TRAF7: variants seen among roughly 807,000 people sequenced by gnomAD.
TRAF7 encodes TNF receptor associated factor 7.
In TRAF7, 45 loss-of-function variants were observed where a neutral mutation model predicts 89.3. The observed-to-expected ratio is 0.50, with a 90% CI of 0.40 to 0.65. The LOEUF (loss-of-function observed/expected upper bound fraction) is 0.65, where lower values mean the gene tolerates loss of function less well. TRAF7 is among the 30% of genes least tolerant of loss of function. The probability of loss-of-function intolerance (pLI) is 0.00; values close to 1 mark genes in which losing one functional copy is unlikely to be tolerated. For synonymous variants in TRAF7, 406 were observed against 369.2 expected (o/e 1.10, Z -1.14); for missense variants, 677 against 918.1 (o/e 0.74, Z 3.39).
chr16:2,160,852 G>C (rs1397175970), intron 1 of TRAF7, among the ~76,000 whole-genome samples: 1 of 151,746 alleles, frequency 6.6e-6, no homozygotes, highest in East Asian at 1.9e-4. Context: ...TCTCCCTCTG[G>C]GGGGCCAGGG....
In TRAF7 at chr16:2,163,960, G is replaced by C; in HGVS notation, c.40G>C (p.Gly14Arg). 2 of 1,612,572 alleles carry C rather than the reference G, an allele frequency of 1.2e-6. No homozygotes were observed. Among genetic ancestry groups the C allele is most frequent in the Non-Finnish European group, 1.7e-6 (2 of 1,179,606 alleles). Reference sequence around the variant, plus strand: ...GAGTGCCCGCTACAACCGCTTCTCCGGGGGGCCCAGCAATCTTCCCACCCC... The same window carrying C: ...GAGTGCCCGCTACAACCGCTTCTCCCGGGGGCCCAGCAATCTTCCCACCCC... ...GKSARYNRFS[G>R]GPSNLPTPDV... Residue 14 changes from glycine (G) to arginine (R), a missense_variant, in exon 2 of 21, where the codon GGG becomes CGG. Physicochemically the swap from Gly to Arg is moderately radical, Grantham distance 125. Transcript: ENST00000326181. This position sits in a 1 kb window ranked among gnomAD's most constrained non-coding sequence, Gnocchi z 4.3.
chr16:2,167,568 C>T (rs531449168), intron 3 of TRAF7, among the ~76,000 whole-genome samples: 11 of 152,294 alleles, frequency 7.2e-5, no homozygotes, highest in East Asian at 3.9e-4. Context: ...CACCAGGATG[C>T]GGTCCTGGCC....
rs1407885911 is a variant in TRAF7 at position 2,165,926 on chromosome 16, C to T, written c.129C>T (p.Thr43=). The stretch of plus-strand genomic sequence containing the variant: ...GACCCGCCTTTTCAGCCGTCACCAC[C>T]ATCACAAAAGGTGAGCCCTTAAGCC... ...TFGPAFSAVT[T]ITKADGTSTY... The change falls in exon 3 of 21, where the codon ACC becomes ACT. Residue 43 remains threonine, a synonymous_variant. Transcript: ENST00000326181. 2.5e-6 allele frequency: 4 copies of T among 1,614,028 alleles called. No homozygotes were observed. Among genetic ancestry groups the T allele is most frequent in the Non-Finnish European group, 3.4e-6 (4 of 1,179,996 alleles).
rs910011124 is a variant in TRAF7 at position 2,177,812 on chromosome 16, T to C, written c.*1238T>C. On this transcript the variant is annotated 3_prime_UTR_variant, in exon 21 of 21. Coordinates refer to ENST00000326181, the MANE Select transcript of TRAF7 (RefSeq NM_032271.3). ...AGAGCAAGGCACAACCTCGAGTTCT[T>C]GGGGCGCAGAGAACTTAGGAGAGAA... is the stretch of plus-strand genomic sequence containing the variant. 2.1e-5 allele frequency: 5 copies of C among 239,586 alleles called. No individual in the cohort carries two copies. The highest frequency in any genetic ancestry group is 1.2e-4 in the South Asian group (1 of 8,680). 14.8% of individuals were successfully genotyped at this position (239,586 alleles called of 1,614,324 possible). A position where few individuals can be genotyped will look rare whatever the true frequency, so the allele number is the denominator to read the frequency against.
chr16:2,170,755 A>G (rs769701078), intron 5 of TRAF7, 25 bp downstream of exon 5: 3 of 1,572,050 alleles, frequency 1.9e-6, no homozygotes, highest in East Asian at 2.3e-5. Context: ...CTCGGCGCAG[A>G]GCGGCTTCCA....
intron 1 of TRAF7, among the ~76,000 whole-genome samples, chr16:2,157,232 T>C (rs536746225): frequency 1.8e-3 from 273 of 152,210 alleles, no homozygotes; most frequent in Non-Finnish European, 3.2e-3. Context: ...GACTTCACTG[T>C]TCTGGGCATT....
rs968489556 is a variant in TRAF7 at position 2,162,827 on chromosome 16, G to A, written c.-38-1056G>A. 1.2e-4 allele frequency among the ~76,000 whole-genome samples: 18 copies of A among 152,064 alleles called. No homozygotes were observed. Among genetic ancestry groups the A allele is most frequent in the Non-Finnish European group, 2.2e-4 (15 of 67,990 alleles). ...ACAGGGAGCTCAGCTTCAAGCCGGG[G>A]CTCGGCTGCGCTATCCGCTGCCAGC... On this transcript the variant is annotated intron_variant, in intron 1 of 20. Transcript: ENST00000326181. The surrounding 1 kb of genome is among the most constrained non-coding windows in gnomAD (Gnocchi z 5.0).
chr16:2,172,443 C>T (rs757722846), intron 8 of TRAF7, 22 bp from the exon 9 acceptor site: 1 of 1,610,454 alleles, frequency 6.2e-7, no homozygotes, highest in African/African-American at 1.3e-5. Flanking sequence ...CTGAGGCCTC[C>T]CCGCATCCCG....
At chr16:2,176,214 G>A (rs752779087) in intron 19 of TRAF7, 34 bp downstream of exon 19, 5 of 1,601,694 alleles carry the variant, frequency 3.1e-6, no homozygotes, top group South Asian at 2.2e-5. Context: ...AGGAGGCTCA[G>A]AGGGCTGGCA....
intron 12 of TRAF7, 23 bp downstream of exon 12, chr16:2,173,859 T>TTGCGC: frequency 8.0e-7 from 1 of 1,246,258 alleles, no homozygotes; most frequent in Non-Finnish European, 1.1e-6. Context: ...CCGCCGTGGC[T>TTGCGC]CCCGCCCACC....
rs763207981 is a variant in TRAF7 at position 2,162,379 on chromosome 16, T to C, written c.-38-1504T>C. 1.3e-5 allele frequency among the ~76,000 whole-genome samples: 2 copies of C among 151,834 alleles called. No individual in the cohort carries two copies. Among genetic ancestry groups the C allele is most frequent in the Non-Finnish European group, 2.9e-5 (2 of 67,928 alleles). ...GCCCCAGGCCAGACTGTGGGCACGG[T>C]GGTGGGTGATGAGTGGCATCTTGAA... On this transcript the variant is annotated intron_variant, in intron 1 of 20. Coordinates refer to ENST00000326181, the MANE Select transcript of TRAF7 (RefSeq NM_032271.3). This position sits in a 1 kb window ranked among gnomAD's most constrained non-coding sequence, Gnocchi z 5.0.
Position 2,163,218 on chromosome 16 carries a change from GC to G in TRAF7, c.-38-661del, listed in dbSNP as rs982937193. Among the ~76,000 whole-genome samples the G allele has an allele frequency of 2.0e-4, 31 of 152,314 alleles. No homozygotes were observed. The highest frequency in any genetic ancestry group is 7.0e-4 in the African/African-American group (29 of 41,574). ...TGCCCCCCCACCCACCAGCCCCTGAGCCCCTGTGGCGTGGCTGGGAGTGTGG... is the reference window on the plus strand; with the variant it reads ...TGCCCCCCCACCCACCAGCCCCTGAGCCCTGTGGCGTGGCTGGGAGTGTGG... On this transcript the variant is annotated intron_variant, in intron 1 of 20. Coordinates refer to ENST00000326181, the MANE Select transcript of TRAF7 (RefSeq NM_032271.3). This position sits in a 1 kb window ranked among gnomAD's most constrained non-coding sequence, Gnocchi z 4.3.
At chr16:2,171,418 C>G in intron 6 of TRAF7, 62 bp downstream of exon 6, 1 of 1,534,202 alleles carries the variant, frequency 6.5e-7, no homozygotes, top group South Asian at 1.2e-5. Flanking sequence ...CCCCAGGGCT[C>G]TCGGGGGCCG....
Position 2,168,879 on chromosome 16 carries a change from G to A in TRAF7, c.231+711G>A, listed in dbSNP as rs530260606. Among the ~76,000 whole-genome samples, 1 of 152,188 alleles carries A rather than the reference G, an allele frequency of 6.6e-6. No individual in the cohort carries two copies. The highest frequency in any genetic ancestry group is 6.5e-5 in the Admixed American group (1 of 15,282). Reference sequence around the variant, plus strand: ...TGGGCATGAAGGACTGGCCCAGCAGGGGGTGGGGGTGTGTGGGGCCTCTCT... The same window carrying A: ...TGGGCATGAAGGACTGGCCCAGCAGAGGGTGGGGGTGTGTGGGGCCTCTCT... On this transcript the variant is annotated intron_variant, in intron 4 of 20. Coordinates refer to ENST00000326181, the MANE Select transcript of TRAF7 (RefSeq NM_032271.3). The surrounding 1 kb of genome is among the most constrained non-coding windows in gnomAD (Gnocchi z 4.1).
At chr16:2,173,857 G>GCGGGGGGCGCGCCCC in intron 12 of TRAF7, 21 bp downstream of exon 12, 1 of 1,607,512 alleles carries the variant, frequency 6.2e-7, no homozygotes, top group South Asian at 1.1e-5. Flanking sequence ...ACCCGCCGTG[G>GCGGGGGGCGCGCCCC]CTCCCGCCCA....
chr16:2,161,234 C>T lies in TRAF7; in HGVS notation c.-38-2649C>T, dbSNP rs1487934146. On this transcript the variant is annotated intron_variant, in intron 1 of 20. Coordinates refer to ENST00000326181, the MANE Select transcript of TRAF7 (RefSeq NM_032271.3). The surrounding 1 kb of genome is among the most constrained non-coding windows in gnomAD (Gnocchi z 5.2). ...GTCCCCCTGCTTCCCTCTGCCCCCT[C>T]CCTCCCTCCGTCCCCTCCCTCCTTC... Among the ~76,000 whole-genome samples the T allele has an allele frequency of 7.0e-6, 1 of 143,492 alleles. No homozygotes were observed. The highest frequency in any genetic ancestry group is 2.6e-5 in the African/African-American group (1 of 38,966). The allele number at this position is 143,492 out of a possible 152,430, so 94.1% of individuals were successfully genotyped here.
chr16:2,162,430 A>G lies in TRAF7; in HGVS notation c.-38-1453A>G, dbSNP rs991169000. ...GGCGCATGCAGGGCGGGCATGGCCA[A>G]AGGGACCCAGTCAGGAGGGACTGAT... is the stretch of plus-strand genomic sequence containing the variant. On this transcript the variant is annotated intron_variant, in intron 1 of 20. Transcript: ENST00000326181. This position sits in a 1 kb window ranked among gnomAD's most constrained non-coding sequence, Gnocchi z 5.0. 6.6e-6 allele frequency among the ~76,000 whole-genome samples: 1 copy of G among 152,078 alleles called. No individual in the cohort carries two copies. The highest frequency in any genetic ancestry group is 1.5e-5 in the Non-Finnish European group (1 of 67,986).
Position 2,174,395 on chromosome 16 carries a change from C to T in TRAF7, c.1346+62C>T, listed in dbSNP as rs964630386. On this transcript the variant is annotated intron_variant, in intron 14 of 20. Coordinates refer to ENST00000326181, the MANE Select transcript of TRAF7 (RefSeq NM_032271.3). ...GACAGGAGACGTGGCGCTGCCACCC[C>T]GTGGGCCGTGAGCCATGAGCTCGAG... The T allele has an allele frequency of 7.0e-5, 108 of 1,534,486 alleles. No individual in the cohort carries two copies. In the Middle Eastern group the frequency reaches 1.1e-3, roughly 15 times the overall value.
At position 2,177,502 on chromosome 16, in the gene TRAF7, C is replaced by T. The variant is rs1465813264; in HGVS notation, c.*928C>T. On this transcript the variant is annotated 3_prime_UTR_variant, in exon 21 of 21. Coordinates refer to ENST00000326181, the MANE Select transcript of TRAF7 (RefSeq NM_032271.3). ...CGATAGAGGAGACCAGTCAGTACTT[C>T]TTGGAGGGGGCAGGAGGAGAGAGGA... 4.3e-6 allele frequency: 1 copy of T among 233,554 alleles called. No individual in the cohort carries two copies. The highest frequency in any genetic ancestry group is 8.4e-6 in the Non-Finnish European group (1 of 118,356). 14.5% of individuals were successfully genotyped at this position (233,554 alleles called of 1,614,324 possible). A position where few individuals can be genotyped will look rare whatever the true frequency, so the allele number is the denominator to read the frequency against.
Sources: gnomAD v4.1 joint callset for allele counts (sites outside exome capture counted in the v4.1 genomes callset) on GRCh38, gnomAD v4.1.1 for gene constraint, Gnocchi (gnomAD v3.1) non-coding constraint, MANE v1.5 for transcripts, NCBI Gene and HGNC (gene_info 2026-07-23, HGNC 2026-07-21) for gene names.